R3HDM1: variants seen among roughly 807,000 people sequenced by gnomAD.
The protein encoded by R3HDM1 is R3H domain containing 1.
R3HDM1 carries 46 observed loss-of-function variants against 141.1 expected under a neutral mutation model. That is an observed-to-expected ratio of 0.33 (90% CI 0.26 to 0.42). The LOEUF is 0.42. Among genes scored for constraint, R3HDM1 ranks in the 10% least tolerant of loss-of-function variants. The pLI, the probability that R3HDM1 is intolerant of heterozygous loss-of-function variation, is 1.00. For missense variants in R3HDM1, 1,184 were observed against 1,368.3 expected (o/e 0.87, Z 2.12); for synonymous variants, 435 against 472.9 (o/e 0.92, Z 1.04).
intron 17 of R3HDM1, 199 bp downstream of exon 17, chr2:135,650,202 G>C: frequency 1.0e-6 from 1 of 971,666 alleles, no homozygotes; most frequent in Non-Finnish European, 1.2e-6. Flanking sequence ...TTATTATGGT[G>C]ATTGTTTAAC....
At chr2:135,711,099 G>A (rs2075573214) in intron 23 of R3HDM1, among the ~76,000 whole-genome samples, 2 of 152,168 alleles carry the variant, frequency 1.3e-5, no homozygotes, top group Admixed American at 1.3e-4. Context: ...ATAGAAGGAA[G>A]TACACAGCAT....
Position 135,630,302 on chromosome 2 carries a change from A to C in R3HDM1, c.498-1416A>C, listed in dbSNP as rs1018943292. On this transcript the variant is annotated intron_variant, in intron 7 of 26. Coordinates refer to ENST00000683871, the MANE Select transcript of R3HDM1 (RefSeq NM_001378107.1). ...CAACCAAAAAAAAAAAAAAAAAAAAAAAAAAACAAAAAAAAAACGAGATTC... is the reference window on the plus strand; with the variant it reads ...CAACCAAAAAAAAAAAAAAAAAAAACAAAAAACAAAAAAAAAACGAGATTC... Among the ~76,000 whole-genome samples the C allele has an allele frequency of 2.0e-4, 30 of 146,716 alleles. No homozygotes were observed. The East Asian group carries it at 3.1e-3, about 15-fold the overall frequency.
chr2:135,537,126 A>G (rs1380625555), intron 1 of R3HDM1, among the ~76,000 whole-genome samples: 1 of 147,630 alleles, frequency 6.8e-6, no homozygotes, highest in Admixed American at 6.9e-5. Flanking sequence ...TTAACTGTGG[A>G]TTTACTTTGT....
chr2:135,719,597 T>A (rs2076512272), intron 24 of R3HDM1, among the ~76,000 whole-genome samples: 1 of 152,202 alleles, frequency 6.6e-6, no homozygotes, highest in Non-Finnish European at 1.5e-5. Context: ...GCAGGGGTGA[T>A]CACAGTTGAA....
chr2:135,644,668 A>G lies in R3HDM1; in HGVS notation c.1475-711A>G, dbSNP rs1387083184. Among the ~76,000 whole-genome samples, 3 of 152,198 alleles carry G rather than the reference A, an allele frequency of 2.0e-5. No homozygotes were observed. The South Asian group carries it at 6.2e-4, about 31-fold the overall frequency. On this transcript the variant is annotated intron_variant, in intron 15 of 26. Coordinates refer to ENST00000683871, the MANE Select transcript of R3HDM1 (RefSeq NM_001378107.1). ...TTAGATATTTCCTACCTCCTAATAA[A>G]AACTAATGAATAACTTTCCAATATC... is the stretch of plus-strand genomic sequence containing the variant.
intron 21 of R3HDM1, among the ~76,000 whole-genome samples, chr2:135,706,813 A>G (rs1165725817): frequency 3.9e-5 from 6 of 152,190 alleles, no homozygotes; most frequent in East Asian, 3.8e-4. Context: ...CGATTTCTCA[A>G]TCTATTCCCC....
At chr2:135,653,068 A>C (rs1162789126) in intron 18 of R3HDM1, among the ~76,000 whole-genome samples, 1 of 151,902 alleles carries the variant, frequency 6.6e-6, no homozygotes, top group Non-Finnish European at 1.5e-5. Flanking sequence ...AAAAAAAAAA[A>C]ACACGGGCCA....
chr2:135,589,236 A>G, intron 1 of R3HDM1, among the ~76,000 whole-genome samples: 1 of 152,338 alleles, frequency 6.6e-6, no homozygotes, highest in South Asian at 2.1e-4. Context: ...AACAAGTTAT[A>G]TATATAAAGT....
intron 20 of R3HDM1, among the ~76,000 whole-genome samples, chr2:135,676,000 A>G (rs1279305125): frequency 6.6e-6 from 1 of 152,164 alleles, no homozygotes; most frequent in Admixed American, 6.6e-5. Flanking sequence ...CTCCATCCCA[A>G]AAAGCGATGA....
At position 135,597,958 on chromosome 2, in the gene R3HDM1, A is replaced by G. The variant is rs184206993; in HGVS notation, c.-249-4542A>G. On this transcript the variant is annotated intron_variant, in intron 1 of 26. Coordinates refer to ENST00000683871, the MANE Select transcript of R3HDM1 (RefSeq NM_001378107.1). ...TGAAACCAAAACTTAGACCCCAAGT[A>G]TAATAAGTGATATTTTGAATTGTCA... 3.9e-5 allele frequency among the ~76,000 whole-genome samples: 6 copies of G among 152,298 alleles called. No homozygotes were observed. In the East Asian group the frequency reaches 1.2e-3, roughly 29 times the overall value.
At chr2:135,565,560 G>A (rs1446696633) in intron 1 of R3HDM1, among the ~76,000 whole-genome samples, 1 of 151,588 alleles carries the variant, frequency 6.6e-6, no homozygotes, top group East Asian at 1.9e-4. Flanking sequence ...AAAATCTTTC[G>A]TTTCTTTGCG....
At chr2:135,691,336 G>T (rs2072339824) in intron 21 of R3HDM1, among the ~76,000 whole-genome samples, 1 of 152,090 alleles carries the variant, frequency 6.6e-6, no homozygotes, top group African/African-American at 2.4e-5. Context: ...CTTTTAGGCT[G>T]GGCATGGTGG....
At chr2:135,659,529 C>T (rs375365474) in intron 18 of R3HDM1, among the ~76,000 whole-genome samples, 1 of 151,974 alleles carries the variant, frequency 6.6e-6, no homozygotes, top group Non-Finnish European at 1.5e-5. Flanking sequence ...CTGTGACCTC[C>T]TGGGTTCAAG....
intron 19 of R3HDM1, among the ~76,000 whole-genome samples, chr2:135,661,830 G>A (rs2066757621): frequency 6.6e-6 from 1 of 152,208 alleles, no homozygotes; most frequent in African/African-American, 2.4e-5. Flanking sequence ...TGATCTCTTA[G>A]TAGGCATGCC....
intron 19 of R3HDM1, chr2:135,667,909 G>A (rs1454000239): frequency 8.2e-6 from 3 of 367,866 alleles, no homozygotes; most frequent in Non-Finnish European, 1.1e-5. Context: ...ACTCTGTAAC[G>A]GTTCATGCCC....
Position 135,590,540 on chromosome 2 carries a change from T to A in R3HDM1, c.-249-11960T>A. 4 of 984,938 alleles carry A rather than the reference T, an allele frequency of 4.1e-6. No homozygotes were observed. In the South Asian group the frequency reaches 1.4e-4, roughly 35 times the overall value. 61.0% of individuals were successfully genotyped at this position (984,938 alleles called of 1,614,324 possible). A position where few individuals can be genotyped will look rare whatever the true frequency, so the allele number is the denominator to read the frequency against. ...GCTAGGAAATAAAGCCACAAAAAAATAAAATCTGAAATGCATTAAACCCAT... is the reference window on the plus strand; with the variant it reads ...GCTAGGAAATAAAGCCACAAAAAAAAAAAATCTGAAATGCATTAAACCCAT... On this transcript the variant is annotated intron_variant, in intron 1 of 26. Transcript: ENST00000683871.
chr2:135,539,812 GGA>G (rs1009185831), intron 1 of R3HDM1, among the ~76,000 whole-genome samples: 25 of 152,260 alleles, frequency 1.6e-4, no homozygotes, highest in Admixed American at 8.5e-4. Context: ...TTTTGCTGGT[GGA>G]GAGTCTTGCT....
chr2:135,670,567 G>GAAAATGAATAT (rs2068189172), intron 19 of R3HDM1: 1 of 277,868 alleles, frequency 3.6e-6, no homozygotes, highest in South Asian at 1.4e-4. Flanking sequence ...TATAAATAAT[G>GAAAATGAATAT]AAAATGAATA....
chr2:135,710,919 T>C (rs2075552671), intron 23 of R3HDM1, among the ~76,000 whole-genome samples: 1 of 152,094 alleles, frequency 6.6e-6, no homozygotes, highest in Non-Finnish European at 1.5e-5. Flanking sequence ...CATCAGCAGA[T>C]CCTAAAAATA....
Sources: gnomAD v4.1 joint callset for allele counts (sites outside exome capture counted in the v4.1 genomes callset) on GRCh38, gnomAD v4.1.1 for gene constraint, MANE v1.5 for transcripts, NCBI Gene and HGNC (gene_info 2026-07-23, HGNC 2026-07-21) for gene names.